Variants in MTAP observed in about 807,000 individuals in gnomAD.
MTAP encodes S-methyl-5'-thioadenosine phosphorylase.
MTAP carries 33 observed loss-of-function variants against 33.6 expected under a neutral mutation model. The observed-to-expected ratio is 0.98, with a 90% CI of 0.74 to 1.31. The LOEUF is 1.31. Ranked by LOEUF, MTAP falls within the 40% of genes most tolerant of loss-of-function variation. MTAP has a pLI of 0.00. For synonymous variants in MTAP, 148 were observed against 125.7 expected (o/e 1.18, Z -1.19); for missense variants, 367 against 360.0 (o/e 1.02, Z -0.16).
In MTAP at chr9:21,864,893, C is replaced by A. The variant is rs891624036; in HGVS notation, c.*2879C>A. On this transcript the variant is annotated 3_prime_UTR_variant, in exon 8 of 8. Transcript: ENST00000644715. Reference sequence around the variant, plus strand: ...GGCATGGTTGTGGCCCCACCAACACCTATTTTCCAAATAATTATTCATTCT... The same window carrying A: ...GGCATGGTTGTGGCCCCACCAACACATATTTTCCAAATAATTATTCATTCT... 1 of 985,492 alleles carries A rather than the reference C, an allele frequency of 1.0e-6. No individual in the cohort carries two copies. Among genetic ancestry groups the A allele is most frequent in the Non-Finnish European group, 1.2e-6 (1 of 829,950 alleles). 61.0% of individuals were successfully genotyped at this position (985,492 alleles called of 1,614,324 possible).
intron 1 of MTAP, among the ~76,000 whole-genome samples, chr9:21,926,089 T>G (rs1264122504): frequency 1.3e-5 from 2 of 152,188 alleles, no homozygotes; most frequent in Admixed American, 6.5e-5. Flanking sequence ...CTCAAGGAAG[T>G]CACACACAAG....
intron 4 of MTAP, among the ~76,000 whole-genome samples, chr9:21,831,799 T>A (rs968781041): frequency 6.7e-6 from 1 of 149,346 alleles, no homozygotes; most frequent in Non-Finnish European, 1.5e-5. Flanking sequence ...TTTTTTTTTT[T>A]ACAATGAGAA....
chr9:21,934,538 G>A (rs1013284182), downstream of MTAP: 5 of 152,026 alleles, frequency 3.3e-5, no homozygotes, highest in Non-Finnish European at 7.4e-5. This position sits in a 1 kb window ranked among gnomAD's most constrained non-coding sequence, Gnocchi z 5.0. Flanking sequence ...AGGCAAATAA[G>A]TTTGTTATTG....
In MTAP at chr9:21,821,952, A is replaced by G. The variant is rs539354583; in HGVS notation, c.347+3750A>G. Among the ~76,000 whole-genome samples, 78 of 152,186 alleles carry G rather than the reference A, an allele frequency of 5.1e-4. 1 individual carries two copies. In the East Asian group the frequency reaches 0.014, roughly 27 times the overall value. Reference sequence around the variant, plus strand: ...ATAGTATGCTCTGATGGTAGTTTGTATTTCTGTGGGATCGGTGGTGATATC... The same window carrying G: ...ATAGTATGCTCTGATGGTAGTTTGTGTTTCTGTGGGATCGGTGGTGATATC... On this transcript the variant is annotated intron_variant, in intron 4 of 7. Transcript: ENST00000644715.
In MTAP at chr9:21,815,422, T is replaced by G; in HGVS notation, c.34-11T>G. On this transcript the variant is annotated splice_polypyrimidine_tract_variant and intron_variant, in intron 1 of 7. Coordinates refer to ENST00000644715, the MANE Select transcript of MTAP (RefSeq NM_002451.4). ...AAATACAATAATCTTCTCTGTCTTTTTCTCTCTTAGATTGGAATAATTGGT... is the reference window on the plus strand; with the variant it reads ...AAATACAATAATCTTCTCTGTCTTTGTCTCTCTTAGATTGGAATAATTGGT... 6.4e-7 allele frequency: 1 copy of G among 1,555,270 alleles called. No individual in the cohort carries two copies. Among genetic ancestry groups the G allele is most frequent in the Non-Finnish European group, 8.8e-7 (1 of 1,140,536 alleles).
intron 1 of MTAP, among the ~76,000 whole-genome samples, chr9:21,918,349 C>CAAAAAA (rs34446505): frequency 8.4e-5 from 2 of 23,806 alleles, no homozygotes; most frequent in African/African-American, 2.2e-4. Flanking sequence ...GACTCCGTCT[C>CAAAAAA]AAAAAAAAAA....
chr9:21,804,094 G>T (rs967513716), intron 1 of MTAP, among the ~76,000 whole-genome samples: 5 of 152,160 alleles, frequency 3.3e-5, no homozygotes, highest in African/African-American at 9.7e-5. Context: ...ACTTCTCTTA[G>T]GTGCTCATCT....
chr9:21,806,381 A>G (rs1824207550), intron 1 of MTAP, among the ~76,000 whole-genome samples: 1 of 152,110 alleles, frequency 6.6e-6, no homozygotes, highest in South Asian at 2.1e-4. Flanking sequence ...CTGGTGGATC[A>G]TTTCAAAGTG....
chr9:21,876,684 G>C (rs1013217241), intron 1 of MTAP, among the ~76,000 whole-genome samples: 1 of 151,986 alleles, frequency 6.6e-6, no homozygotes, highest in Admixed American at 6.6e-5. Flanking sequence ...TAGATGTGCA[G>C]CCTTATTTCT....
chr9:21,921,017 A>G (rs73440481), intron 1 of MTAP, among the ~76,000 whole-genome samples: 8,551 of 152,214 alleles, frequency 0.056, 753 homozygotes, highest in African/African-American at 0.18. Flanking sequence ...TTAAGCATTG[A>G]TGCAATCAGG....
intron 4 of MTAP, among the ~76,000 whole-genome samples, chr9:21,830,275 C>T (rs1824934656): frequency 6.6e-6 from 1 of 152,132 alleles, no homozygotes; most frequent in Non-Finnish European, 1.5e-5. Flanking sequence ...GCCATAGGCC[C>T]TGGGCTCTGT....
Position 21,862,775 on chromosome 9 carries a change from A to G in MTAP, c.*761A>G. The G allele has an allele frequency of 4.0e-6, 1 of 249,434 alleles. No individual in the cohort carries two copies. The highest frequency in any genetic ancestry group is 6.3e-6 in the Non-Finnish European group (1 of 158,872). 15.5% of individuals were successfully genotyped at this position (249,434 alleles called of 1,614,324 possible). ...CTAGTTTTGCTTTAAAATGCTATGTAAATATACAAAAAAACTAGAAAGAAA... is the reference window on the plus strand; with the variant it reads ...CTAGTTTTGCTTTAAAATGCTATGTGAATATACAAAAAAACTAGAAAGAAA... On this transcript the variant is annotated 3_prime_UTR_variant, in exon 8 of 8. Transcript: ENST00000644715.
intron 4 of MTAP, among the ~76,000 whole-genome samples, chr9:21,821,690 A>G (rs905817429): frequency 6.6e-6 from 1 of 152,210 alleles, no homozygotes; most frequent in Non-Finnish European, 1.5e-5. Context: ...GAATAGTTTC[A>G]GAAGGAATGG....
At chr9:21,826,788 T>TC (rs1338082925) in intron 4 of MTAP, among the ~76,000 whole-genome samples, 2 of 151,896 alleles carry the variant, frequency 1.3e-5, no homozygotes, top group African/African-American at 4.8e-5. Flanking sequence ...AGGTCAGGGA[T>TC]CCCCCACCCC....
At chr9:21,887,999 G>T (rs1210583388) in intron 1 of MTAP, among the ~76,000 whole-genome samples, 1 of 152,096 alleles carries the variant, frequency 6.6e-6, no homozygotes, top group African/African-American at 2.4e-5. Flanking sequence ...AACTTTACTG[G>T]ATTAATTTGT....
Position 21,865,140 on chromosome 9 carries a change from T to G in MTAP, c.*3126T>G. 3 of 966,308 alleles carry G rather than the reference T, an allele frequency of 3.1e-6. No homozygotes were observed. Among genetic ancestry groups the G allele is most frequent in the Non-Finnish European group, 3.7e-6 (3 of 812,552 alleles). 59.9% of individuals were successfully genotyped at this position (966,308 alleles called of 1,614,324 possible). ...TGTAGTTCCCATAATCCCCACATGT[T>G]GTGGGAGGGACCCAGTGGGAGGTAA... On this transcript the variant is annotated 3_prime_UTR_variant, in exon 8 of 8. Transcript: ENST00000644715.
chr9:21,915,226 C>T (rs530471111), intron 1 of MTAP, among the ~76,000 whole-genome samples: 1 of 151,610 alleles, frequency 6.6e-6, no homozygotes, highest in South Asian at 2.1e-4. Context: ...GTAGCTGGGA[C>T]TACAGGCACC....
intron 4 of MTAP, among the ~76,000 whole-genome samples, chr9:21,818,829 G>C (rs548805535): frequency 2.0e-5 from 3 of 152,156 alleles, no homozygotes; most frequent in East Asian, 1.9e-4. Flanking sequence ...TACATAATAC[G>C]TTGTCATTAG....
chr9:21,850,143 A>T (rs1257451255), intron 5 of MTAP, among the ~76,000 whole-genome samples: 1 of 152,244 alleles, frequency 6.6e-6, no homozygotes, highest in Non-Finnish European at 1.5e-5. Flanking sequence ...AAGAAGTGGC[A>T]AACACACCAG....
Sources: gnomAD v4.1 joint callset for allele counts (sites outside exome capture counted in the v4.1 genomes callset) on GRCh38, gnomAD v4.1.1 for gene constraint, Gnocchi (gnomAD v3.1) non-coding constraint, MANE v1.5 for transcripts, NCBI Gene and HGNC (gene_info 2026-07-23, HGNC 2026-07-21) for gene names.